GRM4: variants seen among roughly 807,000 people sequenced by gnomAD.
GRM4 encodes the protein glutamate metabotropic receptor 4, also known as metabotropic glutamate receptor 4.
A neutral mutation model predicts 81.7 loss-of-function variants in GRM4; 28 were observed. The observed-to-expected ratio is 0.34, with a 90% CI of 0.25 to 0.47. The LOEUF is 0.47. GRM4 is among the 20% of genes least tolerant of loss of function. GRM4 has a pLI of 1.00. For missense variants in GRM4, 948 were observed against 1,290.0 expected (o/e 0.73, Z 4.06); for synonymous variants, 488 against 528.8 (o/e 0.92, Z 1.06).
upstream of GRM4, among the ~76,000 whole-genome samples, chr6:34,149,932 C>A (rs933409438): frequency 6.6e-6 from 1 of 152,202 alleles, no homozygotes; most frequent in Non-Finnish European, 1.5e-5. Flanking sequence ...CTGCCCCTGC[C>A]TAGTGCCTTG....
In GRM4 at chr6:34,035,809, G is replaced by A. The variant is rs766663494; in HGVS notation, c.2301C>T (p.Cys767=). ...CGCGTGTCTTGATGGCATACACGGTGCACGTGACCATGAGCAGCATGCTGT... is the reference window on the plus strand; with the variant it reads ...CGCGTGTCTTGATGGCATACACGGTACACGTGACCATGAGCAGCATGCTGT... ...LGYSMLLMVT[C]TVYAIKTRGV... Residue 767 remains cysteine (C), a synonymous_variant, in exon 9 of 11, where the codon TGC becomes TGT. Transcript: ENST00000538487. This position sits in a 1 kb window ranked among gnomAD's most constrained non-coding sequence, Gnocchi z 6.6. 6.2e-7 allele frequency: 1 copy of A among 1,613,856 alleles called. No homozygotes were observed. The highest frequency in any genetic ancestry group is 8.5e-7 in the Non-Finnish European group (1 of 1,179,728).
In GRM4 at chr6:34,052,161, TC is replaced by T. The variant is rs553946021; in HGVS notation, c.1168+4382del. ...AAGGAATTAATGGCCTCTCGGAGCA[TC>T]CCTCCACCAATGCCTGATGGGGCAC... On this transcript the variant is annotated intron_variant, in intron 6 of 10. Coordinates refer to ENST00000538487, the MANE Select transcript of GRM4 (RefSeq NM_000841.4). 1.0e-3 allele frequency among the ~76,000 whole-genome samples: 155 copies of T among 152,190 alleles called. 1 individual carries two copies. The highest frequency in any genetic ancestry group is 3.4e-3 in the African/African-American group (143 of 41,554).
At position 34,082,095 on chromosome 6, in the gene GRM4, CGGG is replaced by C. The variant is rs1561799534; in HGVS notation, c.736+9785_736+9787del. Among the ~76,000 whole-genome samples the C allele has an allele frequency of 2.5e-3, 235 of 93,280 alleles. 7 individuals are homozygous for C. In the East Asian group the frequency reaches 0.05, roughly 20 times the overall value. The allele number at this position is 93,280 out of a possible 152,430, so 61.2% of individuals were successfully genotyped here. ...CAGATCCCTGTCCAGTGGGAGCCTG[CGGG>C]ACAGATCCCTGTCCAGTGGGAGCCT... On this transcript the variant is annotated intron_variant, in intron 3 of 10. Transcript: ENST00000538487.
rs1314923198 is a variant in GRM4, at chr6:34,133,058, G to T, written c.439C>A (p.Pro147Thr). ...CCGATGACACCCACCACACGTTCAGGCTTGGTGATGATGGGTGGGCCGCCA... is the reference window on the plus strand; with the variant it reads ...CCGATGACACCCACCACACGTTCAGTCTTGGTGATGATGGGTGGGCCGCCA... The part of the protein sequence containing the change: ...GSGGPPIITK[P>T]ERVVGVIGAS... Residue 147 changes from proline to threonine, a missense_variant, in exon 2 of 11, where the codon CCT becomes ACT. Pro to Thr is a conservative substitution (Grantham distance 38). Transcript: ENST00000538487. The surrounding 1 kb of genome is among the most constrained non-coding windows in gnomAD (Gnocchi z 6.5). 1.2e-6 allele frequency: 2 copies of T among 1,613,880 alleles called. No homozygotes were observed. The highest frequency in any genetic ancestry group is 3.3e-5 in the Admixed American group (2 of 60,028).
Position 34,059,505 on chromosome 6 carries a change from C to T in GRM4, c.873-377G>A. 3.6e-6 allele frequency: 1 copy of T among 274,456 alleles called. No individual in the cohort carries two copies. Among genetic ancestry groups the T allele is most frequent in the Non-Finnish European group, 7.1e-6 (1 of 141,466 alleles). 17.0% of individuals were successfully genotyped at this position (274,456 alleles called of 1,614,324 possible). A position where few individuals can be genotyped will look rare whatever the true frequency, so the allele number is the denominator to read the frequency against. On this transcript the variant is annotated intron_variant, in intron 4 of 10. Coordinates refer to ENST00000538487, the MANE Select transcript of GRM4 (RefSeq NM_000841.4). This position sits in a 1 kb window ranked among gnomAD's most constrained non-coding sequence, Gnocchi z 5.7. ...CAGCCCCGGTCCCCTGAGACGCATG[C>T]CTTCCTGGCTCATCCACCCCCACAT...
chr6:34,138,731 CA>C (rs2127515042), intron 1 of GRM4, among the ~76,000 whole-genome samples: 1 of 152,370 alleles, frequency 6.6e-6, no homozygotes, highest in Non-Finnish European at 1.5e-5. Context: ...CAAATCCTCG[CA>C]GCACAGCCCT....
In GRM4 at chr6:34,059,346, G is replaced by A; in HGVS notation, c.873-218C>T. ...GGCTACCGCCTCATCCAACCTGCCT[G>A]CCCCTGGGCCCACGCCTGCTGCAGG... On this transcript the variant is annotated intron_variant, in intron 4 of 10. Transcript: ENST00000538487. This position sits in a 1 kb window ranked among gnomAD's most constrained non-coding sequence, Gnocchi z 5.7. 3 of 579,830 alleles carry A rather than the reference G, an allele frequency of 5.2e-6. No individual in the cohort carries two copies. The highest frequency in any genetic ancestry group is 9.3e-6 in the Non-Finnish European group (3 of 323,462). The allele number at this position is 579,830 out of a possible 1,614,324, so 35.9% of individuals were successfully genotyped here. A position where few individuals can be genotyped will look rare whatever the true frequency, so the allele number is the denominator to read the frequency against.
exon 1 of GRM4, chr6:34,155,315 T>C: frequency 2.0e-6 from 3 of 1,526,758 alleles, no homozygotes; most frequent in Non-Finnish European, 2.6e-6. Context: ...TGGGGTGCGA[T>C]GCAGAGGCGT....
rs1765432310 is a variant in GRM4, at chr6:34,047,919, G to A, written c.1169-7171C>T. Among the ~76,000 whole-genome samples, 1 of 152,104 alleles carries A rather than the reference G, an allele frequency of 6.6e-6. No individual in the cohort carries two copies. Among genetic ancestry groups the A allele is most frequent in the Non-Finnish European group, 1.5e-5 (1 of 68,016 alleles). On this transcript the variant is annotated intron_variant, in intron 6 of 10. Transcript: ENST00000538487. The surrounding 1 kb of genome is among the most constrained non-coding windows in gnomAD (Gnocchi z 4.5). The stretch of plus-strand genomic sequence containing the variant: ...GAGCCAGCCACAGGCTCCTTTTGAA[G>A]GAAACCATTCTTGCAAACCCTCAAG...
At chr6:34,084,934 C>CT (rs796972645) in intron 3 of GRM4, among the ~76,000 whole-genome samples, 9 of 152,294 alleles carry the variant, frequency 5.9e-5, no homozygotes, top group African/African-American at 2.2e-4. Flanking sequence ...CACCACATCC[C>CT]TTTTTTTACT....
intron 3 of GRM4, among the ~76,000 whole-genome samples, chr6:34,073,288 AC>A (rs1250348971): frequency 6.0e-5 from 9 of 150,484 alleles, no homozygotes; most frequent in South Asian, 2.1e-4. Flanking sequence ...CAGATACCAC[AC>A]ACACATCCAC....
intron 2 of GRM4, chr6:34,103,994 C>G (rs985289781): frequency 7.3e-6 from 3 of 411,700 alleles, no homozygotes; most frequent in African/African-American, 6.3e-5. Context: ...CTTGGTAACC[C>G]TCACCACGGC....
rs373905351 is a variant in GRM4 at position 34,076,288 on chromosome 6, C to T, written c.737-14260G>A. On this transcript the variant is annotated intron_variant, in intron 3 of 10. Coordinates refer to ENST00000538487, the MANE Select transcript of GRM4 (RefSeq NM_000841.4). Reference sequence around the variant, plus strand: ...CCCCCTCCCACCCACCCCACCGCCACAAGTAGGCGTTGGGTAATGAAGTCC... The same window carrying T: ...CCCCCTCCCACCCACCCCACCGCCATAAGTAGGCGTTGGGTAATGAAGTCC... Among the ~76,000 whole-genome samples, 10 of 152,162 alleles carry T rather than the reference C, an allele frequency of 6.6e-5. No individual in the cohort carries two copies. In the East Asian group the frequency reaches 1.9e-3, roughly 30 times the overall value.
At position 34,115,787 on chromosome 6, in the gene GRM4, A is replaced by G. The variant is rs13196449; in HGVS notation, c.519+17191T>C. Among the ~76,000 whole-genome samples the G allele has an allele frequency of 0.095, 14,429 of 152,128 alleles. 1,387 individuals are homozygous for G. The highest frequency in any genetic ancestry group is 0.25 in the African/African-American group (10,369 of 41,444). The stretch of plus-strand genomic sequence containing the variant: ...ACCCCAGCTCTTCAGGCTCCAGGAG[A>G]AACTGCGGACACATCACACCTCCCT... On this transcript the variant is annotated intron_variant, in intron 2 of 10. Coordinates refer to ENST00000538487, the MANE Select transcript of GRM4 (RefSeq NM_000841.4). This position sits in a 1 kb window ranked among gnomAD's most constrained non-coding sequence, Gnocchi z 4.1.
Position 34,130,009 on chromosome 6 carries a change from G to A in GRM4, c.519+2969C>T, listed in dbSNP as rs752676154. Among the ~76,000 whole-genome samples, 2 of 152,146 alleles carry A rather than the reference G, an allele frequency of 1.3e-5. No individual in the cohort carries two copies. The highest frequency in any genetic ancestry group is 1.5e-5 in the Non-Finnish European group (1 of 68,036). On this transcript the variant is annotated intron_variant, in intron 2 of 10. Transcript: ENST00000538487. The surrounding 1 kb of genome is among the most constrained non-coding windows in gnomAD (Gnocchi z 4.1). Reference sequence around the variant, plus strand: ...TAACCCATCATTAGGGGAGCAGGGCGGGGGCTGCAGTGGTGCCCTTTGAAA... The same window carrying A: ...TAACCCATCATTAGGGGAGCAGGGCAGGGGCTGCAGTGGTGCCCTTTGAAA...
At position 34,048,487 on chromosome 6, in the gene GRM4, C is replaced by T. The variant is rs1765460507; in HGVS notation, c.1169-7739G>A. Among the ~76,000 whole-genome samples the T allele has an allele frequency of 6.6e-6, 1 of 152,144 alleles. No individual in the cohort carries two copies. Among genetic ancestry groups the T allele is most frequent in the African/African-American group, 2.4e-5 (1 of 41,410 alleles). The stretch of plus-strand genomic sequence containing the variant: ...GGGGTGGGGGAACTCTGGGGACTGA[C>T]TCTCAGGCAAATGTGGATGAGCCGC... On this transcript the variant is annotated intron_variant, in intron 6 of 10. Transcript: ENST00000538487. This position sits in a 1 kb window ranked among gnomAD's most constrained non-coding sequence, Gnocchi z 4.0.
chr6:34,040,126 G>A, intron 8 of GRM4, 52 bp downstream of exon 8: 1 of 1,578,238 alleles, frequency 6.3e-7, no homozygotes, highest in Non-Finnish European at 8.7e-7. Flanking sequence ...CCCCTCCCAG[G>A]GGCTGGAACT....
chr6:34,050,650 C>T (rs1765568864), intron 6 of GRM4, among the ~76,000 whole-genome samples: 1 of 152,228 alleles, frequency 6.6e-6, no homozygotes, highest in African/African-American at 2.4e-5. Flanking sequence ...TGCAAACAGA[C>T]TAGCACACAC....
At chr6:34,039,915 G>A (rs1177328159) in intron 8 of GRM4, among the ~76,000 whole-genome samples, 1 of 152,000 alleles carries the variant, frequency 6.6e-6, no homozygotes, top group African/African-American at 2.4e-5. Context: ...CTCCTCAGTG[G>A]GTAGCAGGCA....
Sources: gnomAD v4.1 joint callset for allele counts (sites outside exome capture counted in the v4.1 genomes callset) on GRCh38, gnomAD v4.1.1 for gene constraint, Gnocchi (gnomAD v3.1) non-coding constraint, MANE v1.5 for transcripts, NCBI Gene and HGNC (gene_info 2026-07-23, HGNC 2026-07-21) for gene names.